POLR1C: variants seen among roughly 807,000 people sequenced by gnomAD.
The protein encoded by POLR1C is RNA polymerase I and III subunit C.
Under a neutral mutation model 38.3 loss-of-function variants are expected in POLR1C, and 42 were observed. The observed-to-expected ratio is 1.10, with a 90% CI of 0.86 to 1.42. The LOEUF is 1.42. Ranked by LOEUF, POLR1C falls within the 40% of genes most tolerant of loss-of-function variation. POLR1C has a pLI of 0.00. For missense variants in POLR1C, 507 were observed against 450.5 expected (o/e 1.13, Z -1.14); for synonymous variants, 163 against 163.9 (o/e 0.99, Z 0.04).
At chr6:43,524,475 A>G, downstream of POLR1C, 2 of 1,613,384 alleles carry the variant, frequency 1.2e-6, no homozygotes, top group Non-Finnish European at 1.7e-6. Flanking sequence ...ACCTACCCCA[A>G]TGCAACCAGC....
In POLR1C at chr6:43,520,087, T is replaced by C. The variant is rs1793061567; in HGVS notation, c.404T>C (p.Ile135Thr). 1 of 1,614,160 alleles carries C rather than the reference T, an allele frequency of 6.2e-7. No individual in the cohort carries two copies. Among genetic ancestry groups the C allele is most frequent in the Non-Finnish European group, 8.5e-7 (1 of 1,180,008 alleles). Reference protein sequence around the residue: ...RNQGDEEGTEIDTLQFRLQVR... With the variant: ...RNQGDEEGTETDTLQFRLQVR... ...GCAGGAGATGAAGAAGGCACAGAGA[T>C]AGATACTCTACAGTTTCGTCTCCAG... Residue 135 changes from isoleucine to threonine, a missense_variant, in exon 5 of 9, where the codon ATA (isoleucine) becomes ACA (threonine). Ile to Thr is a moderately conservative substitution (Grantham distance 89). Transcript: ENST00000642195.
chr6:43,517,225 C>T, intron 1 of POLR1C, 47 bp downstream of exon 1: 2 of 1,608,894 alleles, frequency 1.2e-6, no homozygotes, highest in East Asian at 2.2e-5. Flanking sequence ...GAGAGCGGAA[C>T]AGGGATGGGT....
intron 9 of POLR1C, among the ~76,000 whole-genome samples, chr6:43,547,999 C>T (rs569310250): frequency 6.6e-6 from 1 of 152,158 alleles, no homozygotes; most frequent in South Asian, 2.1e-4. Context: ...GTTGTATGGC[C>T]CTTCCTAGCT....
intron 9 of POLR1C, among the ~76,000 whole-genome samples, chr6:43,545,407 T>C (rs1794914570): frequency 6.6e-6 from 1 of 152,014 alleles, no homozygotes; most frequent in South Asian, 2.1e-4. Flanking sequence ...AACAATGTAA[T>C]TTAAACATCC....
intron 4 of POLR1C, 34 bp downstream of exon 4, chr6:43,519,872 T>C (rs1288422409): frequency 1.2e-6 from 2 of 1,604,472 alleles, no homozygotes; most frequent in East Asian, 2.2e-5. Context: ...AAGTGGACTA[T>C]CTGGGTTCAA....
chr6:43,559,386 A>C (rs1456741130), intron 10 of POLR1C, among the ~76,000 whole-genome samples: 1 of 152,214 alleles, frequency 6.6e-6, no homozygotes, highest in Non-Finnish European at 1.5e-5. Flanking sequence ...CCATTCTCTG[A>C]TGTTACAAAT....
At chr6:43,527,525 C>G in intron 8 of POLR1C, 1 of 1,112,492 alleles carries the variant, frequency 9.0e-7, no homozygotes, top group East Asian at 2.4e-5. Flanking sequence ...ACCATGCCCG[C>G]CGCAAACATG....
chr6:43,518,974 C>T (rs1388873201), intron 2 of POLR1C, among the ~76,000 whole-genome samples: 9 of 152,238 alleles, frequency 5.9e-5, no homozygotes, highest in South Asian at 4.1e-4. Context: ...GTGACTGTGC[C>T]GGGCCAGGAG....
rs1158042933 is a variant in POLR1C at position 43,519,787 on chromosome 6, G to A, written c.331G>A (p.Gly111Arg). Residue 111 changes from glycine to arginine, a missense_variant, in exon 4 of 9, where the codon GGG becomes AGG. Gly to Arg is a moderately radical substitution (Grantham distance 125). Transcript: ENST00000642195. ...VQDEILAHRL[G>R]LIPIHADPRL... The stretch of plus-strand genomic sequence containing the variant: ...GGATGAGATTCTTGCTCACCGTCTG[G>A]GGCTCATTCCCATTCATGCTGATCC... 6.2e-7 allele frequency: 1 copy of A among 1,614,128 alleles called. No individual in the cohort carries two copies. The highest frequency in any genetic ancestry group is 8.5e-7 in the Non-Finnish European group (1 of 1,180,022).
At chr6:43,551,564 C>T in intron 10 of POLR1C, 1 of 1,373,424 alleles carries the variant, frequency 7.3e-7, no homozygotes, top group Non-Finnish European at 1.0e-6. Flanking sequence ...ATTCTGTCAC[C>T]TAGGCTGGAG....
chr6:43,548,179 C>T (rs1477213305), intron 9 of POLR1C: 2 of 1,384,778 alleles, frequency 1.4e-6, no homozygotes, highest in Non-Finnish European at 2.0e-6. Context: ...TATCCTTAAC[C>T]CCTACCCCAC....
chr6:43,522,745 G>C (rs1561860115), downstream of POLR1C: 3 of 495,858 alleles, frequency 6.1e-6, no homozygotes, highest in Non-Finnish European at 1.3e-5. Context: ...CAACAGGTCT[G>C]TTTTTGTGCA....
chr6:43,549,949 GA>G lies in POLR1C; in HGVS notation c.*5-1013del, dbSNP rs756951967. ...GATGAAAATAGCTAAGGGAGAGGAG[GA>G]AAAAAGGTCACTCATGTTTATTTGT... is the stretch of plus-strand genomic sequence containing the variant. On this transcript the variant is annotated intron_variant, in intron 9 of 10. Transcript: ENST00000607635. 6.2e-6 allele frequency: 10 copies of G among 1,611,052 alleles called. No homozygotes were observed. In the East Asian group the frequency reaches 6.7e-5, roughly 11 times the overall value.
rs559622992 is a variant in POLR1C at position 43,541,073 on chromosome 6, A to G, written c.*5-9895A>G. Among the ~76,000 whole-genome samples the G allele has an allele frequency of 8.5e-5, 13 of 152,260 alleles. No individual in the cohort carries two copies. The South Asian group carries it at 2.7e-3, about 32-fold the overall frequency. On this transcript the variant is annotated intron_variant, in intron 9 of 10. Transcript: ENST00000607635. Reference sequence around the variant, plus strand: ...TAAACAATTCGACTCATGGACATACAGAGTGTAAGGATGGTTAGCAGAGGG... The same window carrying G: ...TAAACAATTCGACTCATGGACATACGGAGTGTAAGGATGGTTAGCAGAGGG...
chr6:43,560,769 A>T (rs963113742), intron 10 of POLR1C, among the ~76,000 whole-genome samples: 1 of 152,192 alleles, frequency 6.6e-6, no homozygotes, highest in Non-Finnish European at 1.5e-5. Flanking sequence ...CAGGAAGAAG[A>T]GCCAATAATT....
chr6:43,527,465 G>C (rs1032105345), intron 8 of POLR1C: 11 of 618,460 alleles, frequency 1.8e-5, no homozygotes, highest in Non-Finnish European at 3.1e-5. Context: ...GTAGAGACAG[G>C]GTTTCACCAT....
exon 11 of POLR1C, chr6:43,562,238 C>G: frequency 6.3e-7 from 1 of 1,598,670 alleles, no homozygotes; most frequent in South Asian, 1.1e-5. Flanking sequence ...AAAGCAAACA[C>G]TAGCTCACCA....
chr6:43,523,184 A>G (rs142233721), downstream of POLR1C: 80 of 170,138 alleles, frequency 4.7e-4, no homozygotes, highest in East Asian at 0.011. Flanking sequence ...TGTGAACTCT[A>G]AAGGGGATGT....
chr6:43,555,948 T>C (rs753278014), intron 10 of POLR1C: 3 of 1,613,856 alleles, frequency 1.9e-6, no homozygotes, highest in Non-Finnish European at 2.5e-6. Context: ...TCACCTCTCC[T>C]TGTTGTGCTC....
Sources: gnomAD v4.1 joint callset for allele counts (sites outside exome capture counted in the v4.1 genomes callset) on GRCh38, gnomAD v4.1.1 for gene constraint, MANE v1.5 for transcripts, NCBI Gene and HGNC (gene_info 2026-07-23, HGNC 2026-07-21) for gene names.